PREP: variants seen among roughly 807,000 people sequenced by gnomAD.
PREP encodes the protein prolyl endopeptidase.
A neutral mutation model predicts 87.6 loss-of-function variants in PREP; 29 were observed. The ratio of observed to expected loss-of-function variants is 0.33; its 90% confidence interval spans 0.25 to 0.45. The LOEUF (loss-of-function observed/expected upper bound fraction) is 0.45. Ranked by LOEUF, PREP falls within the 20% of genes least tolerant of loss-of-function variation. The probability of loss-of-function intolerance (pLI) is 1.00; values close to 1 mark genes in which losing one functional copy is unlikely to be tolerated. For missense variants in PREP, 695 were observed against 886.5 expected, an observed-to-expected ratio of 0.78 and a Z score of 2.74; for synonymous variants, 337 against 328.6, an observed-to-expected ratio of 1.03 and a Z score of -0.28.
At chr6:105,378,704 G>C (rs1228755980) in intron 2 of PREP, among the ~76,000 whole-genome samples, 1 of 152,184 alleles carries the variant, frequency 6.6e-6, no homozygotes, top group Admixed American at 6.5e-5. Flanking sequence ...AGCAAGAAAT[G>C]AAACAAGAAC....
At chr6:105,384,789 C>T (rs1364232814) in intron 2 of PREP, among the ~76,000 whole-genome samples, 1 of 152,094 alleles carries the variant, frequency 6.6e-6, no homozygotes, top group Admixed American at 6.5e-5. Flanking sequence ...GAGACAAGAC[C>T]CATCTTTCTC....
chr6:105,314,183 G>C lies in PREP; in HGVS notation c.1317+9482C>G, dbSNP rs570759425. On this transcript the variant is annotated intron_variant, in intron 10 of 14. Transcript: ENST00000652536. Reference sequence around the variant, plus strand: ...GCTATAAAATGCTAATGATCATCTGGGTCTTCAGTGAGTTGTAATCTTTTT... The same window carrying C: ...GCTATAAAATGCTAATGATCATCTGCGTCTTCAGTGAGTTGTAATCTTTTT... Among the ~76,000 whole-genome samples the C allele has an allele frequency of 1.8e-3, 269 of 152,272 alleles. 1 individual carries two copies. The highest frequency in any genetic ancestry group is 6.2e-3 in the African/African-American group (257 of 41,562).
intron 6 of PREP, among the ~76,000 whole-genome samples, chr6:105,357,339 C>T (rs1376735850): frequency 6.6e-6 from 1 of 152,198 alleles, no homozygotes; most frequent in Non-Finnish European, 1.5e-5. Context: ...CTGCAAGAAC[C>T]ACACCAAACC....
intron 7 of PREP, among the ~76,000 whole-genome samples, chr6:105,350,338 G>A (rs942757712): frequency 2.0e-5 from 3 of 151,838 alleles, no homozygotes; most frequent in South Asian, 2.1e-4. Context: ...CTTATTTGCA[G>A]ACATGGAAAT....
chr6:105,375,178 A>T (rs546425489), intron 4 of PREP, among the ~76,000 whole-genome samples: 2 of 152,158 alleles, frequency 1.3e-5, no homozygotes, highest in Non-Finnish European at 2.9e-5. Context: ...TGGACCACCG[A>T]ATGACTGGAT....
At chr6:105,283,455 A>G (rs1013736989) in intron 12 of PREP, among the ~76,000 whole-genome samples, 3 of 152,234 alleles carry the variant, frequency 2.0e-5, no homozygotes, top group Non-Finnish European at 4.4e-5. Context: ...ACTTGAGATT[A>G]ACCACTTCTG....
chr6:105,347,584 T>C (rs1447653110), intron 7 of PREP, among the ~76,000 whole-genome samples: 2 of 152,234 alleles, frequency 1.3e-5, no homozygotes, highest in Non-Finnish European at 2.9e-5. Flanking sequence ...TAAGTTTTCA[T>C]GTAAATTTTT....
intron 10 of PREP, among the ~76,000 whole-genome samples, chr6:105,292,421 A>G (rs986396530): frequency 5.3e-5 from 8 of 152,196 alleles, no homozygotes; most frequent in African/African-American, 1.9e-4. Context: ...TGTGCCGTCA[A>G]TGAGCAGTAA....
chr6:105,374,162 C>T (rs772939872), intron 4 of PREP, among the ~76,000 whole-genome samples: 70 of 152,100 alleles, frequency 4.6e-4, no homozygotes, highest in Non-Finnish European at 7.8e-4. Context: ...TGAAGGCGCC[C>T]GGAGTGCACA....
intron 2 of PREP, among the ~76,000 whole-genome samples, chr6:105,387,279 C>T (rs1017081220): frequency 6.6e-6 from 1 of 151,968 alleles, no homozygotes; most frequent in Non-Finnish European, 1.5e-5. Context: ...TTTAGATGTT[C>T]ACTTTTTAAC....
At position 105,319,062 on chromosome 6, in the gene PREP, A is replaced by G. The variant is rs187541074; in HGVS notation, c.1317+4603T>C. On this transcript the variant is annotated intron_variant, in intron 10 of 14. Transcript: ENST00000652536. ...AGGGAAAAAAAATCCCACTCCCTCC[A>G]CCCCAAGGCATGTTGGTAAAGCCAA... 3.4e-3 allele frequency among the ~76,000 whole-genome samples: 520 copies of G among 152,244 alleles called. 1 individual carries two copies. Among genetic ancestry groups the G allele is most frequent in the African/African-American group, 0.012 (507 of 41,554 alleles).
intron 5 of PREP, among the ~76,000 whole-genome samples, chr6:105,371,989 G>A (rs1191126428): frequency 1.3e-5 from 2 of 152,130 alleles, no homozygotes; most frequent in South Asian, 2.1e-4. Context: ...TTCTAACTCT[G>A]GGGCACTCTT....
Position 105,376,077 on chromosome 6 carries a change from C to T in PREP, c.385+48G>A, listed in dbSNP as rs563098758. On this transcript the variant is annotated intron_variant, in intron 4 of 14. Coordinates refer to ENST00000652536, the MANE Select transcript of PREP (RefSeq NM_002726.5). ...AGCAACTGCACTAACTTCAGAGCTC[C>T]AAGTGAGGGTCTTAGGAGTTCCACG... 4.8e-5 allele frequency: 75 copies of T among 1,577,336 alleles called. No individual in the cohort carries two copies. In the South Asian group the frequency reaches 8.0e-4, roughly 17 times the overall value.
Position 105,328,992 on chromosome 6 carries a change from G to A in PREP, c.1050C>T (p.Val350=), listed in dbSNP as rs1266701463. The A allele has an allele frequency of 1.9e-6, 3 of 1,614,096 alleles. No individual in the cohort carries two copies. The highest frequency in any genetic ancestry group is 2.5e-6 in the Non-Finnish European group (3 of 1,179,964). Residue 350 remains valine (V), a synonymous_variant, in exon 9 of 15, where the codon GTC becomes GTT. Transcript: ENST00000652536. The part of the protein sequence containing the change: ...WIACVRSNFL[V]LCYLHDVKNI... ...TCTTGACGTCATGGAGGTAGCATAA[G>A]ACCAAGAAGTTGGACCTGACACAAG...
At chr6:105,279,900 T>C (rs940284376) in intron 14 of PREP, among the ~76,000 whole-genome samples, 12 of 152,360 alleles carry the variant, frequency 7.9e-5, no homozygotes, top group African/African-American at 2.9e-4. Flanking sequence ...TAGGACTTGT[T>C]TCCTTACGTG....
At chr6:105,398,024 C>A in intron 1 of PREP, 97 bp from the exon 2 acceptor site, 2 of 973,278 alleles carry the variant, frequency 2.1e-6, no homozygotes, top group Non-Finnish European at 3.1e-6. Flanking sequence ...AAGGGATGGA[C>A]AAAAATGCTA....
At chr6:105,373,722 C>G (rs1438569615) in intron 4 of PREP, 144 bp from the exon 5 acceptor site, 2 of 849,520 alleles carry the variant, frequency 2.4e-6, no homozygotes, top group African/African-American at 3.4e-5. Flanking sequence ...TGAGGAATCC[C>G]GGGGGCTCAG....
At chr6:105,389,256 C>T (rs1488848786) in intron 2 of PREP, among the ~76,000 whole-genome samples, 2 of 152,062 alleles carry the variant, frequency 1.3e-5, no homozygotes. Flanking sequence ...TAACTGGGAG[C>T]TAAATTAATG....
At chr6:105,351,092 T>C (rs1251733439) in intron 7 of PREP, among the ~76,000 whole-genome samples, 2 of 152,238 alleles carry the variant, frequency 1.3e-5, no homozygotes, top group African/African-American at 4.8e-5. Context: ...CTTTTTGCTA[T>C]CAACTTGGCT....
Sources: gnomAD v4.1 joint callset for allele counts (sites outside exome capture counted in the v4.1 genomes callset) on GRCh38, gnomAD v4.1.1 for gene constraint, MANE v1.5 for transcripts, NCBI Gene and HGNC (gene_info 2026-07-23, HGNC 2026-07-21) for gene names.